The following MINDY1 variants were observed in gnomAD, a reference collection of about 807,000 sequenced individuals.
MINDY1 encodes ubiquitin carboxyl-terminal hydrolase MINDY-1.
A neutral mutation model predicts 53.6 loss-of-function variants in MINDY1; 50 were observed. The observed-to-expected ratio is 0.93, with a 90% CI of 0.74 to 1.18. The LOEUF is 1.18. MINDY1 is among the 50% of genes most tolerant of loss of function. MINDY1 has a pLI of 0.00. For missense variants in MINDY1, 484 were observed against 578.6 expected, an observed-to-expected ratio of 0.84 and a Z score of 1.68; for synonymous variants, 231 against 234.7, an observed-to-expected ratio of 0.98 and a Z score of 0.14.
intron 2 of MINDY1, 70 bp from the exon 3 acceptor site, chr1:151,001,852 G>A: frequency 6.6e-7 from 1 of 1,522,074 alleles, no homozygotes; most frequent in Admixed American, 2.4e-5. Context: ...CCCATGGAAA[G>A]GCAAGGGGGA....
At chr1:151,004,101 T>G (rs1209405939) in intron 1 of MINDY1, among the ~76,000 whole-genome samples, 4 of 152,004 alleles carry the variant, frequency 2.6e-5, no homozygotes, top group African/African-American at 9.7e-5. Context: ...TTTGTATTTT[T>G]TAGTAGAGAT....
intron 4 of MINDY1, among the ~76,000 whole-genome samples, chr1:151,000,919 C>T (rs587767647): frequency 6.6e-6 from 1 of 152,180 alleles, no homozygotes; most frequent in African/African-American, 2.4e-5. Context: ...GCTGGGACTA[C>T]AGGCACGCAC....
rs200714354 is a variant in MINDY1, at chr1:151,001,748, G to A, written c.488C>T (p.Ser163Leu). 1.3e-5 allele frequency: 21 copies of A among 1,606,520 alleles called. No individual in the cohort carries two copies. The highest frequency in any genetic ancestry group is 1.2e-5 in the Non-Finnish European group (14 of 1,177,856). The change falls in exon 3 of 10, where the codon TCG becomes TTG. Residue 163 changes from serine (S) to leucine (L), a missense_variant. Physicochemically the swap from Ser to Leu is moderately radical, Grantham distance 145. Transcript: ENST00000683666. ...ACCAAGATGGGCCATGAGCTCATCC[G>A]ATGTGATCACTTCCTTCTGCGGGGG... The part of the protein sequence containing the change: ...KLPPQKEVIT[S>L]DELMAHLGNC...
intron 1 of MINDY1, chr1:151,003,069 C>T (rs41314561): frequency 7.1e-5 from 47 of 663,394 alleles, no homozygotes; most frequent in Middle Eastern, 6.7e-4. Context: ...GTTAAATCTA[C>T]GCTAATGGTT....
chr1:150,997,492 G>T, intron 9 of MINDY1, 125 bp from the exon 10 acceptor site: 2 of 1,553,032 alleles, frequency 1.3e-6, no homozygotes, highest in Non-Finnish European at 8.7e-7. Context: ...GGCTCCAGGG[G>T]AGAGGGACAG....
Position 151,001,796 on chromosome 1 carries a change from G to A in MINDY1, c.454-14C>T. On this transcript the variant is annotated splice_polypyrimidine_tract_variant and intron_variant, in intron 2 of 9. Transcript: ENST00000683666. Reference sequence around the variant, plus strand: ...GGGGAGCTTCACCTGGAGGCAGAAGGGGTGATCACGTGTGTGCTTTCCTCC... The same window carrying A: ...GGGGAGCTTCACCTGGAGGCAGAAGAGGTGATCACGTGTGTGCTTTCCTCC... The A allele has an allele frequency of 1.3e-6, 2 of 1,587,300 alleles. No homozygotes were observed. The highest frequency in any genetic ancestry group is 1.7e-6 in the Non-Finnish European group (2 of 1,172,314).
At chr1:151,003,740 G>A (rs922080459) in intron 1 of MINDY1, among the ~76,000 whole-genome samples, 3 of 151,818 alleles carry the variant, frequency 2.0e-5, no homozygotes, top group African/African-American at 7.3e-5. Context: ...AGCTAGCATT[G>A]AGACAGCAAC....
At chr1:151,001,594 C>G in intron 3 of MINDY1, 131 bp downstream of exon 3, 1 of 1,137,674 alleles carries the variant, frequency 8.8e-7, no homozygotes, top group East Asian at 2.5e-5. Context: ...TGCAGAGAAG[C>G]CCCATAGACC....
rs974459237 is a variant in MINDY1 at position 150,999,187 on chromosome 1, G to A, written c.981+182C>T. ...AGTGAAGATGGTGTGGGACAGAACC[G>A]TAGCCAGTCCACAGTGGACACGCAC... On this transcript the variant is annotated intron_variant, in intron 7 of 9. Transcript: ENST00000683666. This position sits in a 1 kb window ranked among gnomAD's most constrained non-coding sequence, Gnocchi z 4.4. Among the ~76,000 whole-genome samples, 4 of 152,050 alleles carry A rather than the reference G, an allele frequency of 2.6e-5. No individual in the cohort carries two copies. Among genetic ancestry groups the A allele is most frequent in the African/African-American group, 7.3e-5 (3 of 41,366 alleles).
rs996238951 is a variant in MINDY1, at chr1:150,999,501, T to G, written c.849A>C (p.Ala283=). 1.2e-6 allele frequency: 2 copies of G among 1,613,862 alleles called. No homozygotes were observed. The highest frequency in any genetic ancestry group is 4.5e-5 in the East Asian group (2 of 44,874). ...DTNLVTEGLI[A]EQFLETTAAQ... ...CCGCGGTGGTCTCCAGGAACTGCTC[T>G]GCAATCAGGCCTGCCAGAAAGGGAC... Residue 283 remains alanine (A), a synonymous_variant, in exon 7 of 10, where the codon GCA becomes GCC. Transcript: ENST00000683666. This position sits in a 1 kb window ranked among gnomAD's most constrained non-coding sequence, Gnocchi z 4.4.
chr1:150,999,806 CCTAAGTAG>C lies in MINDY1; in HGVS notation c.838+48_838+55del. ...GAGATGACACCCAATAAAAAATAAG[CCTAAGTAG>C]CTGTCATTCCCTCCACATACTATCC... On this transcript the variant is annotated intron_variant, in intron 6 of 9. Coordinates refer to ENST00000683666, the MANE Select transcript of MINDY1 (RefSeq NM_001376665.1). This position sits in a 1 kb window ranked among gnomAD's most constrained non-coding sequence, Gnocchi z 4.4. 3.4e-6 allele frequency: 5 copies of C among 1,475,180 alleles called. No homozygotes were observed. In the South Asian group the frequency reaches 4.6e-5, roughly 14 times the overall value. 91.4% of individuals were successfully genotyped at this position (1,475,180 alleles called of 1,614,324 possible).
rs1001685033 is a variant in MINDY1, at chr1:151,006,299, A to G, written c.-90+13T>C. On this transcript the variant is annotated intron_variant, in intron 1 of 9. Coordinates refer to ENST00000683666, the MANE Select transcript of MINDY1 (RefSeq NM_001376665.1). ...AGAAGAGGTGAAGAAGATGATTAAA[A>G]TAAAGTTTTTACCTTAAAGAAGGGG... The G allele has an allele frequency of 2.2e-5, 31 of 1,427,002 alleles. No individual in the cohort carries two copies. In the South Asian group the frequency reaches 4.4e-4, roughly 20 times the overall value. The allele number at this position is 1,427,002 out of a possible 1,614,324, so 88.4% of individuals were successfully genotyped here.
intron 1 of MINDY1, among the ~76,000 whole-genome samples, chr1:151,005,306 G>A (rs1673053902): frequency 6.6e-6 from 1 of 151,978 alleles, no homozygotes; most frequent in African/African-American, 2.4e-5. Flanking sequence ...ACAAAAATTA[G>A]CCGGGCACGG....
Position 150,998,260 on chromosome 1 carries a change from AG to A in MINDY1, c.994del (p.Leu332TyrfsTer35). The A allele has an allele frequency of 6.2e-7, 1 of 1,613,624 alleles. No individual in the cohort carries two copies. The highest frequency in any genetic ancestry group is 8.5e-7 in the Non-Finnish European group (1 of 1,179,826). On this transcript the variant is annotated frameshift_variant, in exon 8 of 10. Transcript: ENST00000683666. LOFTEE classifies it high-confidence loss of function. ...TAGAAAGCCCTGGTCAGTGACCAGT[AG>A]GTATAAGTGACTCTACAAAGAAAAG... ...TMTKHKSHLY[L>X]LVTDQGFLQE...
Position 150,997,640 on chromosome 1 carries a change from C to T in MINDY1, c.1313G>A (p.Arg438Gln), listed in dbSNP as rs766652221. The T allele has an allele frequency of 5.0e-6, 8 of 1,609,560 alleles. No individual in the cohort carries two copies. The highest frequency in any genetic ancestry group is 1.3e-5 in the African/African-American group (1 of 75,072). Residue 438 changes from arginine (R) to glutamine (Q), a missense_variant, in exon 9 of 10, where the codon CGG becomes CAG. Transcript: ENST00000683666. ...QAAQPVRMRT[R>Q]VLSLQGRGAT... ...GCAGCCCACCTGCAGTGACAGGACC[C>T]GCGTCCGCATCCGCACTGGCTGCGC...
At chr1:151,005,780 A>G (rs930791073) in intron 1 of MINDY1, among the ~76,000 whole-genome samples, 1 of 152,164 alleles carries the variant, frequency 6.6e-6, no homozygotes, top group African/African-American at 2.4e-5. Context: ...AGATAAATCA[A>G]AGTTTCATTC....
rs368052975 is a variant in MINDY1 at position 150,999,583 on chromosome 1, G to A, written c.839-72C>T. On this transcript the variant is annotated intron_variant, in intron 6 of 9. Transcript: ENST00000683666. This position sits in a 1 kb window ranked among gnomAD's most constrained non-coding sequence, Gnocchi z 4.4. ...TCCACAACAGGAAGGACCATCCAGA[G>A]AGCCCCTGTCAAAAGCCCCGGGGGG... 1.3e-6 allele frequency: 2 copies of A among 1,586,822 alleles called. No homozygotes were observed. The highest frequency in any genetic ancestry group is 2.2e-5 in the East Asian group (1 of 44,602).
At position 150,998,231 on chromosome 1, in the gene MINDY1, C is replaced by T; in HGVS notation, c.1024G>A (p.Glu342Lys). Residue 342 changes from glutamate to lysine, a missense_variant, in exon 8 of 10, where the codon GAG (glutamate) becomes AAG (lysine). By Grantham distance (56) the Glu-to-Lys change is moderately conservative. Transcript: ENST00000683666. ...LLVTDQGFLQ[E>K]EQVVWESLHN... ...AGGCTCTCCCATACGACTTGCTCCT[C>T]CTGTAGAAAGCCCTGGTCAGTGACC... The T allele has an allele frequency of 6.2e-7, 1 of 1,614,176 alleles. No homozygotes were observed. Among genetic ancestry groups the T allele is most frequent in the Non-Finnish European group, 8.5e-7 (1 of 1,180,032 alleles).
chr1:151,005,482 AAAAAG>A (rs1673090516), intron 1 of MINDY1, among the ~76,000 whole-genome samples: 1 of 151,726 alleles, frequency 6.6e-6, no homozygotes, highest in Non-Finnish European at 1.5e-5. Context: ...AAGAAAAAAA[AAAAAG>A]AAAAGCAGGC....
Sources: allele counts gnomAD v4.1 joint callset (sites outside exome capture counted in the v4.1 genomes callset), GRCh38; gene constraint gnomAD v4.1.1; non-coding constraint Gnocchi (gnomAD v3.1); transcripts MANE v1.5; gene names NCBI Gene and HGNC (gene_info 2026-07-23, HGNC 2026-07-21).